The following SPOCK3 variants were observed in gnomAD, a reference collection of about 807,000 sequenced individuals.
SPOCK3 encodes testican-3.
A neutral mutation model predicts 56.6 loss-of-function variants in SPOCK3; 30 were observed. The observed-to-expected ratio is 0.53, with a 90% CI of 0.40 to 0.72. The LOEUF (loss-of-function observed/expected upper bound fraction) is 0.72, where lower values mean the gene tolerates loss of function less well. Among genes scored for constraint, SPOCK3 ranks in the 30% least tolerant of loss-of-function variants. The pLI is 0.00. For missense variants in SPOCK3, 527 were observed against 530.0 expected, an observed-to-expected ratio of 0.99 and a Z score of 0.06; for synonymous variants, 196 against 183.3, an observed-to-expected ratio of 1.07 and a Z score of -0.56.
chr4:167,043,764 C>G (rs756104065), intron 3 of SPOCK3, among the ~76,000 whole-genome samples: 7 of 151,676 alleles, frequency 4.6e-5, no homozygotes, highest in Admixed American at 1.3e-4. Context: ...ATTGAGCCAG[C>G]CTTGCATTCC....
At chr4:167,030,675 C>T (rs1752190610) in intron 3 of SPOCK3, among the ~76,000 whole-genome samples, 1 of 151,988 alleles carries the variant, frequency 6.6e-6, no homozygotes, top group Non-Finnish European at 1.5e-5. Flanking sequence ...ATAGACATGT[C>T]ATTTAAATAA....
chr4:166,928,969 A>AAACAAC (rs144684053), intron 4 of SPOCK3, among the ~76,000 whole-genome samples: 1,716 of 151,740 alleles, frequency 0.011, 40 homozygotes, highest in African/African-American at 0.04. Flanking sequence ...CTCTGCCTCA[A>AAACAAC]AACAACAACA....
In SPOCK3 at chr4:166,961,263, T is replaced by C. The variant is rs547480618; in HGVS notation, c.350+39086A>G. Among the ~76,000 whole-genome samples the C allele has an allele frequency of 1.7e-3, 245 of 142,290 alleles. 1 individual carries two copies. The highest frequency in any genetic ancestry group is 2.7e-3 in the Non-Finnish European group (176 of 65,232). The allele number at this position is 142,290 out of a possible 152,430, so 93.3% of individuals were successfully genotyped here. A position where few individuals can be genotyped will look rare whatever the true frequency, so the allele number is the denominator to read the frequency against. ...TACCCACGAAATTAAAAAAAAAAAC[T>C]GCAAAATTTTAAAACATGAGTGCAT... is the stretch of plus-strand genomic sequence containing the variant. On this transcript the variant is annotated intron_variant, in intron 4 of 10. Coordinates refer to ENST00000357545, the MANE Select transcript of SPOCK3 (RefSeq NM_001040159.2).
chr4:166,965,398 T>G (rs1744605247), intron 4 of SPOCK3, among the ~76,000 whole-genome samples: 2 of 151,550 alleles, frequency 1.3e-5, no homozygotes, highest in African/African-American at 4.8e-5. Flanking sequence ...TATTGTTTTT[T>G]TTTTTTTGTT....
chr4:166,863,766 A>G (rs986746155), intron 6 of SPOCK3, among the ~76,000 whole-genome samples: 1 of 152,184 alleles, frequency 6.6e-6, no homozygotes, highest in Non-Finnish European at 1.5e-5. Context: ...CCAATACAGG[A>G]GCACTCAGAT....
At chr4:166,915,722 A>G (rs1225374656) in intron 4 of SPOCK3, among the ~76,000 whole-genome samples, 2 of 152,160 alleles carry the variant, frequency 1.3e-5, no homozygotes, top group African/African-American at 2.4e-5. Context: ...CTGTGGCAAG[A>G]GGAATGCCCC....
chr4:166,986,587 C>A (rs759096162), intron 4 of SPOCK3, among the ~76,000 whole-genome samples: 2 of 152,054 alleles, frequency 1.3e-5, no homozygotes, highest in African/African-American at 2.4e-5. Context: ...ATTCCTGAAT[C>A]CTGCGATGTG....
At chr4:167,186,978 CAAAAA>C (rs67424272) in intron 2 of SPOCK3, among the ~76,000 whole-genome samples, 3 of 88,400 alleles carry the variant, frequency 3.4e-5, no homozygotes, top group African/African-American at 3.8e-5. Context: ...CTCTGTGCCT[CAAAAA>C]AAAAAAAAAA....
chr4:166,847,647 T>TTATATATATATATATA (rs147015731), intron 6 of SPOCK3, among the ~76,000 whole-genome samples: 2,367 of 54,466 alleles, frequency 0.043, 158 homozygotes, highest in Non-Finnish European at 0.059. Context: ...AAATCCTAGT[T>TTATATATATATATATA]TATATATATA....
intron 2 of SPOCK3, among the ~76,000 whole-genome samples, chr4:167,226,854 G>T (rs1736648847): frequency 6.6e-6 from 1 of 152,024 alleles, no homozygotes; most frequent in Non-Finnish European, 1.5e-5. Flanking sequence ...TCTCATGCTT[G>T]CAAAAGAGAA....
chr4:167,220,519 A>G (rs962265712), intron 2 of SPOCK3, among the ~76,000 whole-genome samples: 3 of 151,304 alleles, frequency 2.0e-5, no homozygotes, highest in African/African-American at 7.3e-5. Flanking sequence ...CTGGGACAAT[A>G]GGCATGTGCC....
chr4:167,129,658 G>A (rs989636171), intron 2 of SPOCK3, among the ~76,000 whole-genome samples: 37 of 151,834 alleles, frequency 2.4e-4, no homozygotes, highest in African/African-American at 8.7e-4. Flanking sequence ...AGCACAAACT[G>A]CTATGTAGAA....
At chr4:166,812,309 C>G (rs1368328486) in intron 6 of SPOCK3, among the ~76,000 whole-genome samples, 2 of 151,746 alleles carry the variant, frequency 1.3e-5, no homozygotes, top group Non-Finnish European at 3.0e-5. Context: ...GCTAGGTCTT[C>G]AATATTCTAA....
chr4:166,744,183 C>G (rs1016853373), intron 8 of SPOCK3, among the ~76,000 whole-genome samples: 22 of 152,306 alleles, frequency 1.4e-4, no homozygotes, highest in Admixed American at 1.4e-3. Context: ...CCCCGAGTAG[C>G]CTAACTGGGA....
rs575988267 is a variant in SPOCK3, at chr4:167,150,887, T to C, written c.189+83098A>G. ...ATCAAGTAATCCAGAGAGTCACCAA[T>C]ATGAATGCCCAAATTACTGTGAATG... On this transcript the variant is annotated intron_variant, in intron 2 of 10. Coordinates refer to ENST00000357545, the MANE Select transcript of SPOCK3 (RefSeq NM_001040159.2). Among the ~76,000 whole-genome samples, 5 of 152,304 alleles carry C rather than the reference T, an allele frequency of 3.3e-5. No homozygotes were observed. In the South Asian group the frequency reaches 6.2e-4, roughly 19 times the overall value.
intron 2 of SPOCK3, among the ~76,000 whole-genome samples, chr4:167,112,633 G>C (rs1760997991): frequency 6.6e-6 from 1 of 152,040 alleles, no homozygotes; most frequent in South Asian, 2.1e-4. Context: ...TTGTATTACT[G>C]CTTTAAAATT....
chr4:166,791,773 G>C (rs1741387675), intron 7 of SPOCK3, among the ~76,000 whole-genome samples: 1 of 152,020 alleles, frequency 6.6e-6, no homozygotes. Context: ...TCAAAATAGA[G>C]ACACCAGCAA....
chr4:167,215,683 T>C (rs1014985607), intron 2 of SPOCK3, among the ~76,000 whole-genome samples: 2 of 152,120 alleles, frequency 1.3e-5, no homozygotes, highest in African/African-American at 4.8e-5. Flanking sequence ...TGAAGAGATT[T>C]TGGATTTGGG....
chr4:166,796,321 T>C (rs10031981), intron 6 of SPOCK3, among the ~76,000 whole-genome samples: 2,893 of 152,242 alleles, frequency 0.019, 86 homozygotes, highest in African/African-American at 0.057. Flanking sequence ...GATTATGTTA[T>C]ACAATAAGGA....
Sources: gnomAD v4.1 joint callset for allele counts (sites outside exome capture counted in the v4.1 genomes callset) on GRCh38, gnomAD v4.1.1 for gene constraint, MANE v1.5 for transcripts, NCBI Gene and HGNC (gene_info 2026-07-23, HGNC 2026-07-21) for gene names.